The following PCDHGA11 variants were observed in gnomAD, a reference collection of about 807,000 sequenced individuals.
PCDHGA11 encodes the protein protocadherin gamma-A11.
PCDHGA11 carries 39 observed loss-of-function variants against 60.4 expected under a neutral mutation model. That is an observed-to-expected ratio of 0.65 (90% CI 0.50 to 0.84). The LOEUF (loss-of-function observed/expected upper bound fraction) is 0.84, where lower values mean the gene tolerates loss of function less well. Ranked by LOEUF, PCDHGA11 falls within the 40% of genes least tolerant of loss-of-function variation. The pLI is 0.00. For missense variants in PCDHGA11, 1,165 were observed against 1,197.7 expected (o/e 0.97, Z 0.40); for synonymous variants, 533 against 510.3 (o/e 1.04, Z -0.60).
At chr5:141,488,519 G>C (rs1210943979) in intron 1 of PCDHGA11, among the ~76,000 whole-genome samples, 1 of 152,184 alleles carries the variant, frequency 6.6e-6, no homozygotes, top group Non-Finnish European at 1.5e-5. Flanking sequence ...GGGGTCTGGG[G>C]TGTCAGAAAA....
At chr5:141,484,889 TC>T (rs1312115219) in intron 1 of PCDHGA11, 2 of 362,958 alleles carry the variant, frequency 5.5e-6, no homozygotes, top group Admixed American at 8.9e-5. Flanking sequence ...GTGGGCTTTT[TC>T]CCCTCCAATG....
chr5:141,476,565 C>T lies in PCDHGA11; in HGVS notation c.2434-18242C>T. 6.2e-7 allele frequency: 1 copy of T among 1,614,184 alleles called. No individual in the cohort carries two copies. Among genetic ancestry groups the T allele is most frequent in the Non-Finnish European group, 8.5e-7 (1 of 1,180,034 alleles). On this transcript the variant is annotated intron_variant, in intron 1 of 3. Coordinates refer to ENST00000398587, the MANE Select transcript of PCDHGA11 (RefSeq NM_018914.3). This position sits in a 1 kb window ranked among gnomAD's most constrained non-coding sequence, Gnocchi z 7.6. ...TTGGAGATTAGCGAGGCCGTGGCTC[C>T]GGGGACGCGCTTTCCGCTCGAGAGC...
intron 1 of PCDHGA11, among the ~76,000 whole-genome samples, chr5:141,450,006 C>CTATTTTTTTTTT (rs70988802): frequency 7.5e-6 from 1 of 132,986 alleles, no homozygotes. Context: ...TGCCATGTCT[C>CTATTTTTTTTTT]TTTTTTTTTT....
chr5:141,477,582 A>G lies in PCDHGA11; in HGVS notation c.2434-17225A>G. On this transcript the variant is annotated intron_variant, in intron 1 of 3. Transcript: ENST00000398587. This position sits in a 1 kb window ranked among gnomAD's most constrained non-coding sequence, Gnocchi z 4.9. Reference sequence around the variant, plus strand: ...GTCTGGGACCCCGACGCCCCGCAGAATGCTCGGCTTTCTTTCTTTCTCTTG... The same window carrying G: ...GTCTGGGACCCCGACGCCCCGCAGAGTGCTCGGCTTTCTTTCTTTCTCTTG... The G allele has an allele frequency of 6.2e-7, 1 of 1,614,190 alleles. No homozygotes were observed.
rs200686404 is a variant in PCDHGA11 at position 141,477,185 on chromosome 5, G to A, written c.2434-17622G>A. On this transcript the variant is annotated intron_variant, in intron 1 of 3. Transcript: ENST00000398587. The surrounding 1 kb of genome is among the most constrained non-coding windows in gnomAD (Gnocchi z 4.9). ...CGCCCCGGAGATCACAGTCACCTCCGTGTACAGCCCAGTACCCGAGGATGC... is the reference window on the plus strand; with the variant it reads ...CGCCCCGGAGATCACAGTCACCTCCATGTACAGCCCAGTACCCGAGGATGC... 1.2e-6 allele frequency: 2 copies of A among 1,614,210 alleles called. No individual in the cohort carries two copies. Among genetic ancestry groups the A allele is most frequent in the South Asian group, 1.1e-5 (1 of 91,084 alleles).
At chr5:141,453,969 A>T (rs543979166) in intron 1 of PCDHGA11, among the ~76,000 whole-genome samples, 13 of 152,356 alleles carry the variant, frequency 8.5e-5, no homozygotes, top group South Asian at 2.1e-4. Flanking sequence ...CAAAGCATGT[A>T]GTTGTGTTGC....
Position 141,443,643 on chromosome 5 carries a change from A to C in PCDHGA11, c.2433+19983A>C, listed in dbSNP as rs188777289. The stretch of plus-strand genomic sequence containing the variant: ...GTGATTGTAAAAATTGATCCAGATA[A>C]TGTTAGCATAGCATTTTACTGAACT... On this transcript the variant is annotated intron_variant, in intron 1 of 3. Coordinates refer to ENST00000398587, the MANE Select transcript of PCDHGA11 (RefSeq NM_018914.3). Among the ~76,000 whole-genome samples, 238 of 152,370 alleles carry C rather than the reference A, an allele frequency of 1.6e-3. 2 individuals are homozygous for C. The highest frequency in any genetic ancestry group is 2.5e-3 in the Non-Finnish European group (169 of 68,028).
chr5:141,460,983 G>GTGTATA (rs1554142949), intron 1 of PCDHGA11, among the ~76,000 whole-genome samples: 24 of 137,844 alleles, frequency 1.7e-4, no homozygotes, highest in African/African-American at 5.4e-4. Context: ...GTGTGTGTGT[G>GTGTATA]TATATATATA....
intron 3 of PCDHGA11, among the ~76,000 whole-genome samples, chr5:141,509,420 G>A (rs1384424118): frequency 6.6e-6 from 1 of 152,128 alleles, no homozygotes; most frequent in East Asian, 1.9e-4. Context: ...GAGCCCCAAT[G>A]AGTCAAACTC....
intron 2 of PCDHGA11, among the ~76,000 whole-genome samples, chr5:141,504,563 C>G (rs1036149640): frequency 3.3e-5 from 5 of 149,436 alleles, no homozygotes; most frequent in African/African-American, 1.2e-4. Context: ...GACTGGCATT[C>G]TAGGGAACAC....
At chr5:141,500,369 C>T (rs1034629981) in intron 2 of PCDHGA11, among the ~76,000 whole-genome samples, 4 of 151,866 alleles carry the variant, frequency 2.6e-5, no homozygotes, top group Admixed American at 6.6e-5. Flanking sequence ...CTACCACGCC[C>T]GGCTAATTAT....
At chr5:141,453,042 A>G (rs2098754438) in intron 1 of PCDHGA11, among the ~76,000 whole-genome samples, 1 of 152,116 alleles carries the variant, frequency 6.6e-6, no homozygotes, top group Non-Finnish European at 1.5e-5. Context: ...GTTTGTTTCT[A>G]TTATGTGCAG....
chr5:141,495,221 G>A lies in PCDHGA11; in HGVS notation c.2492+356G>A, dbSNP rs376660961. On this transcript the variant is annotated intron_variant, in intron 2 of 3. Coordinates refer to ENST00000398587, the MANE Select transcript of PCDHGA11 (RefSeq NM_018914.3). ...ACTGCCTAACCCCCTCCCCTGAGTT[G>A]AGCTGGGCTCCATTATGACCTGGGG... Among the ~76,000 whole-genome samples, 26 of 152,300 alleles carry A rather than the reference G, an allele frequency of 1.7e-4. 1 individual carries two copies. The East Asian group carries it at 4.4e-3, about 26-fold the overall frequency.
chr5:141,451,797 C>T (rs1207473455), intron 1 of PCDHGA11, among the ~76,000 whole-genome samples: 1 of 152,006 alleles, frequency 6.6e-6, no homozygotes, highest in African/African-American at 2.4e-5. Context: ...CAGAGAATTG[C>T]TTGAACCCAG....
chr5:141,423,929 G>C, intron 1 of PCDHGA11: 1 of 1,236,074 alleles, frequency 8.1e-7, no homozygotes, highest in East Asian at 3.5e-5. Flanking sequence ...TGCTGGTTTG[G>C]TTTGAAGTAA....
intron 1 of PCDHGA11, among the ~76,000 whole-genome samples, chr5:141,452,165 C>G (rs917431071): frequency 2.6e-5 from 4 of 152,120 alleles, no homozygotes; most frequent in African/African-American, 9.7e-5. Flanking sequence ...TATTCTATTA[C>G]TAACATTTTT....
chr5:141,434,429 C>T (rs1379210960), intron 1 of PCDHGA11, among the ~76,000 whole-genome samples: 2 of 152,152 alleles, frequency 1.3e-5, no homozygotes, highest in Admixed American at 6.5e-5. Flanking sequence ...TCATGATGGC[C>T]GTAATGCCCA....
chr5:141,438,513 A>G (rs2097964808), intron 1 of PCDHGA11, among the ~76,000 whole-genome samples: 1 of 148,768 alleles, frequency 6.7e-6, no homozygotes, highest in Non-Finnish European at 1.5e-5. Context: ...TGCAAAACCA[A>G]TTATTTTACA....
chr5:141,430,953 G>A (rs2097330054), intron 1 of PCDHGA11: 1 of 1,611,124 alleles, frequency 6.2e-7, no homozygotes, highest in African/African-American at 1.3e-5. Context: ...CGCGGAGTCC[G>A]CATCATCCCC....
Sources: gnomAD v4.1 joint callset for allele counts (sites outside exome capture counted in the v4.1 genomes callset) on GRCh38, gnomAD v4.1.1 for gene constraint, Gnocchi (gnomAD v3.1) non-coding constraint, MANE v1.5 for transcripts, NCBI Gene and HGNC (gene_info 2026-07-23, HGNC 2026-07-21) for gene names.